The following FAM163A variants were observed in gnomAD, a reference collection of about 807,000 sequenced individuals.
FAM163A encodes family with sequence similarity 163 member A, also known as protein FAM163A.
In FAM163A, 7 loss-of-function variants were observed where a neutral mutation model predicts 12.0. That is an observed-to-expected ratio of 0.58 (90% CI 0.33 to 1.10). The LOEUF is 1.10. Ranked by LOEUF, FAM163A falls within the 50% of genes least tolerant of loss-of-function variation. The pLI is 0.03. For synonymous variants in FAM163A, 101 were observed against 91.0 expected (o/e 1.11, Z -0.62); for missense variants, 202 against 218.6 (o/e 0.92, Z 0.48).
the FAM163A span, among the ~76,000 whole-genome samples, chr1:179,734,202 T>C: frequency 6.6e-6 from 1 of 152,220 alleles, no homozygotes; most frequent in Non-Finnish European, 1.5e-5. Flanking sequence ...AAACTTTGAC[T>C]GTCAGAAATT....
At chr1:179,798,779 T>C (rs922942744) in intron 1 of FAM163A, among the ~76,000 whole-genome samples, 3 of 152,160 alleles carry the variant, frequency 2.0e-5, no homozygotes, top group Non-Finnish European at 4.4e-5. Flanking sequence ...ACGATGTGGG[T>C]GGACACAGCT....
chr1:179,775,472 T>G (rs1688825411), intron 1 of FAM163A, among the ~76,000 whole-genome samples: 1 of 152,236 alleles, frequency 6.6e-6, no homozygotes, highest in South Asian at 2.1e-4. Context: ...GGTTTTCCTT[T>G]CAATTTAGTT....
intron 1 of FAM163A, among the ~76,000 whole-genome samples, chr1:179,744,040 T>C (rs1394686587): frequency 3.9e-5 from 6 of 152,042 alleles, no homozygotes; most frequent in African/African-American, 9.7e-5. Flanking sequence ...AGACCGGGGC[T>C]CGGTTTGCTG....
chr1:179,734,369 G>A, the FAM163A span, among the ~76,000 whole-genome samples: 5 of 152,234 alleles, frequency 3.3e-5, no homozygotes, highest in Admixed American at 2.0e-4. Flanking sequence ...TTGAATGCCA[G>A]ATGGCAGACT....
chr1:179,798,040 G>A (rs532605929), intron 1 of FAM163A, among the ~76,000 whole-genome samples: 2 of 152,208 alleles, frequency 1.3e-5, no homozygotes, highest in South Asian at 4.2e-4. Context: ...AACCAGCCTG[G>A]CTAACATGGC....
At chr1:179,753,413 T>C (rs1187389873) in intron 1 of FAM163A, among the ~76,000 whole-genome samples, 1 of 152,208 alleles carries the variant, frequency 6.6e-6, no homozygotes, top group Non-Finnish European at 1.5e-5. Flanking sequence ...CTTCAAAATC[T>C]GTTAAGAGGG....
chr1:179,785,588 G>A (rs959579302), intron 1 of FAM163A, among the ~76,000 whole-genome samples: 2 of 152,070 alleles, frequency 1.3e-5, no homozygotes, highest in Non-Finnish European at 2.9e-5. Context: ...TCTTCACAAT[G>A]TATAAGTGAT....
At chr1:179,796,434 G>A (rs34552071) in intron 1 of FAM163A, among the ~76,000 whole-genome samples, 5 of 152,046 alleles carry the variant, frequency 3.3e-5, no homozygotes, top group Non-Finnish European at 7.4e-5. Context: ...TGAAGATTTG[G>A]GGAAAATTCC....
chr1:179,811,568 C>T (rs764784611), intron 2 of FAM163A, among the ~76,000 whole-genome samples: 86 of 152,328 alleles, frequency 5.6e-4, no homozygotes, highest in Non-Finnish European at 7.2e-4. Context: ...GTGATGCCCA[C>T]GCTGCTGGTC....
chr1:179,758,241 T>C (rs1255922630), intron 1 of FAM163A, among the ~76,000 whole-genome samples: 1 of 152,168 alleles, frequency 6.6e-6, no homozygotes, highest in Non-Finnish European at 1.5e-5. Flanking sequence ...GGAGAATCTC[T>C]AAGCACAAAG....
At chr1:179,789,424 T>C (rs1287801106) in intron 1 of FAM163A, among the ~76,000 whole-genome samples, 1 of 152,242 alleles carries the variant, frequency 6.6e-6, no homozygotes, top group Non-Finnish European at 1.5e-5. Context: ...TCAGGTGATC[T>C]GCCCACCTTG....
chr1:179,804,852 G>A (rs918963270), intron 1 of FAM163A, among the ~76,000 whole-genome samples: 2 of 152,108 alleles, frequency 1.3e-5, no homozygotes, highest in Non-Finnish European at 2.9e-5. Flanking sequence ...TAACTATTGG[G>A]CACTAGGCTT....
At chr1:179,778,402 C>A (rs1689272742) in intron 1 of FAM163A, among the ~76,000 whole-genome samples, 2 of 152,112 alleles carry the variant, frequency 1.3e-5, no homozygotes, top group African/African-American at 4.8e-5. Context: ...TTGTGAACAG[C>A]ATTTTATGGA....
intron 1 of FAM163A, among the ~76,000 whole-genome samples, chr1:179,750,883 AC>A (rs981855308): frequency 6.6e-6 from 1 of 152,210 alleles, no homozygotes; most frequent in Non-Finnish European, 1.5e-5. Flanking sequence ...TGGTGGAGAG[AC>A]ATAGATGTGA....
At chr1:179,770,873 A>T (rs1047102824) in intron 1 of FAM163A, among the ~76,000 whole-genome samples, 1 of 152,158 alleles carries the variant, frequency 6.6e-6, no homozygotes, top group African/African-American at 2.4e-5. Context: ...AGCTGACTGA[A>T]TATATTTGAT....
chr1:179,785,062 A>G (rs1185033015), intron 1 of FAM163A, among the ~76,000 whole-genome samples: 4 of 152,200 alleles, frequency 2.6e-5, no homozygotes, highest in Non-Finnish European at 4.4e-5. Context: ...AGCTTCTCCA[A>G]CATCTCACTG....
chr1:179,743,706 G>T (rs978764736), intron 1 of FAM163A, among the ~76,000 whole-genome samples: 7 of 152,116 alleles, frequency 4.6e-5, no homozygotes, highest in African/African-American at 1.7e-4. Flanking sequence ...CGACTCGGGG[G>T]CATCTCCGGC....
At chr1:179,812,999 G>A (rs1305592023) in intron 3 of FAM163A, 77 bp from the exon 4 acceptor site, 2 of 1,398,398 alleles carry the variant, frequency 1.4e-6, no homozygotes, top group African/African-American at 1.4e-5. Flanking sequence ...CCTCGGGGCA[G>A]TTCCAGGAAG....
upstream of FAM163A, among the ~76,000 whole-genome samples, chr1:179,740,836 A>G (rs1011144521): frequency 6.6e-6 from 1 of 152,188 alleles, no homozygotes; most frequent in African/African-American, 2.4e-5. Context: ...GTCAATGTCA[A>G]TATCCTAATT....
Sources: allele counts gnomAD v4.1 joint callset (sites outside exome capture counted in the v4.1 genomes callset), GRCh38; gene constraint gnomAD v4.1.1; transcripts MANE v1.5; gene names NCBI Gene and HGNC (gene_info 2026-07-23, HGNC 2026-07-21).